TUB: variants seen among roughly 807,000 people sequenced by gnomAD.
The protein encoded by TUB is tubby protein homolog.
TUB carries 33 observed loss-of-function variants against 59.7 expected under a neutral mutation model. The observed-to-expected ratio is 0.55, with a 90% CI of 0.42 to 0.74. TUB has a LOEUF of 0.74. TUB is among the 30% of genes least tolerant of loss of function. TUB has a pLI of 0.00. For missense variants in TUB, 659 were observed against 672.0 expected, an observed-to-expected ratio of 0.98 and a Z score of 0.21; for synonymous variants, 293 against 256.4, an observed-to-expected ratio of 1.14 and a Z score of -1.36.
chr11:8,104,579 A>T lies in TUB; in HGVS notation c.*2960A>T, dbSNP rs917383297. The T allele has an allele frequency of 6.6e-6, 1 of 152,184 alleles. No individual in the cohort carries two copies. Among genetic ancestry groups the T allele is most frequent in the African/African-American group, 2.4e-5 (1 of 41,450 alleles). The allele number at this position is 152,184 out of a possible 1,614,324, so 9.4% of individuals were successfully genotyped here. A position where few individuals can be genotyped will look rare whatever the true frequency, so the allele number is the denominator to read the frequency against. ...GATCGCCTGTGGATTTTGTCCATTC[A>T]TCTCATGCTCTCTGAACAGAAGGTA... On this transcript the variant is annotated 3_prime_UTR_variant, in exon 12 of 12. Transcript: ENST00000299506.
chr11:8,049,596 T>TATATATATAG (rs1942900619), intron 2 of TUB, among the ~76,000 whole-genome samples: 1 of 146,062 alleles, frequency 6.8e-6, no homozygotes, highest in Non-Finnish European at 1.5e-5. Context: ...GATAGATAGA[T>TATATATATAG]AGATAGATAC....
intron 2 of TUB, among the ~76,000 whole-genome samples, chr11:8,073,698 G>T (rs1389816749): frequency 6.6e-6 from 1 of 152,188 alleles, no homozygotes; most frequent in African/African-American, 2.4e-5. Context: ...AGGGGCCTGA[G>T]CGCTCAGCCT....
At chr11:8,030,189 C>T (rs984631984) in intron 1 of TUB, among the ~76,000 whole-genome samples, 4 of 152,154 alleles carry the variant, frequency 2.6e-5, no homozygotes, top group African/African-American at 7.2e-5. Flanking sequence ...TGTGGTTTTC[C>T]AGATAGGGTC....
In TUB at chr11:8,094,099, G is replaced by A. The variant is rs1462557031; in HGVS notation, c.307G>A (p.Ala103Thr). The change falls in exon 4 of 12, where the codon GCA becomes ACA. Residue 103 changes from alanine to threonine, a missense_variant. Coordinates refer to ENST00000299506, the MANE Select transcript of TUB (RefSeq NM_177972.3). ...SVQLGATRPTAPASAKRTKAA... is the reference protein window; with the variant it reads ...SVQLGATRPTTPASAKRTKAA... Reference sequence around the variant, plus strand: ...GCAGCTGGGAGCCACGCGCCCAACAGCACCAGCTTCAGCCAAGAGAACCAA... The same window carrying A: ...GCAGCTGGGAGCCACGCGCCCAACAACACCAGCTTCAGCCAAGAGAACCAA... The A allele has an allele frequency of 2.5e-6, 4 of 1,614,210 alleles. No individual in the cohort carries two copies. Among genetic ancestry groups the A allele is most frequent in the East Asian group, 2.2e-5 (1 of 44,884 alleles).
exon 1 of TUB, chr11:8,038,961 A>C (rs774373147): frequency 6.2e-7 from 1 of 1,613,990 alleles, no homozygotes; most frequent in East Asian, 2.2e-5. Context: ...TCCCTGGCCC[A>C]TGGGATCTCA....
intron 1 of TUB, among the ~76,000 whole-genome samples, chr11:8,083,313 G>A (rs537157695): frequency 6.6e-6 from 1 of 152,316 alleles, no homozygotes; most frequent in African/African-American, 2.4e-5. Flanking sequence ...CGGCTGTGGA[G>A]ATTATGACGT....
At chr11:8,096,005 C>A (rs1943978128) in intron 5 of TUB, among the ~76,000 whole-genome samples, 2 of 152,202 alleles carry the variant, frequency 1.3e-5, no homozygotes, top group South Asian at 4.1e-4. Flanking sequence ...GTTCAGTTTT[C>A]CCACCACAAG....
upstream of TUB, among the ~76,000 whole-genome samples, chr11:8,034,290 G>A (rs1314147853): frequency 1.3e-5 from 2 of 152,192 alleles, no homozygotes; most frequent in Non-Finnish European, 2.9e-5. Context: ...AAGGACAGTG[G>A]GAGTGGGGTC....
upstream of TUB, among the ~76,000 whole-genome samples, chr11:8,036,901 T>C (rs182223813): frequency 2.1e-3 from 323 of 152,298 alleles, 3 homozygotes; most frequent in Non-Finnish European, 3.3e-3. Context: ...AGTTCACCTT[T>C]TTTCCTGGTC....
At chr11:8,051,332 C>T (rs185453364) in intron 2 of TUB, among the ~76,000 whole-genome samples, 89 of 152,132 alleles carry the variant, frequency 5.9e-4, no homozygotes, top group African/African-American at 2.1e-3. Flanking sequence ...TAAATATTAT[C>T]GGGAAAATAC....
chr11:8,089,793 G>A lies in TUB; in HGVS notation c.90+132G>A, dbSNP rs982147829. On this transcript the variant is annotated intron_variant, in intron 2 of 11. Coordinates refer to ENST00000299506, the MANE Select transcript of TUB (RefSeq NM_177972.3). ...GATGGGATTCCCATGTGGAAGAAGA[G>A]AGGTGCACTCTCTCCCAGCTCAGCA... The A allele has an allele frequency of 1.3e-5, 17 of 1,277,034 alleles. No homozygotes were observed. The African/African-American group carries it at 2.1e-4, about 15-fold the overall frequency. The allele number at this position is 1,277,034 out of a possible 1,614,324, so 79.1% of individuals were successfully genotyped here.
chr11:8,075,392 T>C (rs2133803278), intron 2 of TUB, among the ~76,000 whole-genome samples: 1 of 152,336 alleles, frequency 6.6e-6, no homozygotes, highest in Admixed American at 6.5e-5. Context: ...TCAGTGTGAC[T>C]TTCAGCAGAT....
chr11:8,022,712 A>G (rs963416040), intron 1 of TUB, among the ~76,000 whole-genome samples: 27 of 152,188 alleles, frequency 1.8e-4, no homozygotes, highest in Non-Finnish European at 7.3e-5. Flanking sequence ...CAACATGGTG[A>G]AACCCTGTCT....
chr11:8,100,820 TC>T lies in TUB; in HGVS notation c.1216-3del. On this transcript the variant is annotated splice_region_variant and splice_polypyrimidine_tract_variant and intron_variant, in intron 10 of 11. Transcript: ENST00000299506. ...GGGCCTGGCTCAGGTGAGGCTGCCC[TC>T]CCAGGAGCATGAGACACTGCTAGCA... 6.2e-7 allele frequency: 1 copy of T among 1,613,582 alleles called. No individual in the cohort carries two copies. Among genetic ancestry groups the T allele is most frequent in the Non-Finnish European group, 8.5e-7 (1 of 1,179,756 alleles).
intron 2 of TUB, among the ~76,000 whole-genome samples, chr11:8,061,723 C>T (rs567036985): frequency 9.9e-5 from 15 of 152,206 alleles, no homozygotes; most frequent in Non-Finnish European, 1.6e-4. Flanking sequence ...TGCCCCTACC[C>T]GCTAAGAGAT....
rs558005689 is a variant in TUB, at chr11:8,023,245, C to A, written c.56+3887C>A. On this transcript the variant is annotated intron_variant, in intron 1 of 11. Transcript: ENST00000534099. ...TTAGAACTTGCACATCACTCTGCTG[C>A]CTTGTATTAGTCAAAGTCAGTCAAA... is the stretch of plus-strand genomic sequence containing the variant. 7.9e-5 allele frequency among the ~76,000 whole-genome samples: 12 copies of A among 152,292 alleles called. No individual in the cohort carries two copies. In the South Asian group the frequency reaches 1.0e-3, roughly 13 times the overall value.
At chr11:8,087,683 G>A (rs908766767) in intron 1 of TUB, among the ~76,000 whole-genome samples, 1 of 152,236 alleles carries the variant, frequency 6.6e-6, no homozygotes, top group Non-Finnish European at 1.5e-5. Context: ...GGGGGACACT[G>A]GTGTTCGGGT....
Position 8,104,094 on chromosome 11 carries a change from G to A in TUB, c.*2475G>A, listed in dbSNP as rs549383603. ...CCTTGACCACTGGCCCTGGGGCCATGGGTGCATGGACTCGTAAAGCTGCTA... is the reference window on the plus strand; with the variant it reads ...CCTTGACCACTGGCCCTGGGGCCATAGGTGCATGGACTCGTAAAGCTGCTA... On this transcript the variant is annotated 3_prime_UTR_variant, in exon 12 of 12. Transcript: ENST00000299506. The A allele has an allele frequency of 6.6e-6, 1 of 152,286 alleles. No individual in the cohort carries two copies. Among genetic ancestry groups the A allele is most frequent in the East Asian group, 1.9e-4 (1 of 5,188 alleles). The allele number at this position is 152,286 out of a possible 1,614,324, so 9.4% of individuals were successfully genotyped here. A position where few individuals can be genotyped will look rare whatever the true frequency, so the allele number is the denominator to read the frequency against.
intron 2 of TUB, among the ~76,000 whole-genome samples, chr11:8,054,694 C>T (rs779963863): frequency 6.6e-6 from 1 of 152,228 alleles, no homozygotes; most frequent in Non-Finnish European, 1.5e-5. Context: ...TGCATGCACA[C>T]ATGGTCTCTG....
Sources: allele counts gnomAD v4.1 joint callset (sites outside exome capture counted in the v4.1 genomes callset), GRCh38; gene constraint gnomAD v4.1.1; transcripts MANE v1.5; gene names NCBI Gene and HGNC (gene_info 2026-07-23, HGNC 2026-07-21).